Variants in DHTKD1 observed in about 807,000 individuals in gnomAD.
DHTKD1 encodes the protein dehydrogenase E1 and transketolase domain containing 1.
DHTKD1 carries 78 observed loss-of-function variants against 101.8 expected under a neutral mutation model. That is an observed-to-expected ratio of 0.77 (90% confidence interval 0.64 to 0.93). DHTKD1 has a LOEUF of 0.93. DHTKD1 is among the 40% of genes least tolerant of loss of function. The pLI, the probability that DHTKD1 is intolerant of heterozygous loss-of-function variation, is 0.00. For synonymous variants in DHTKD1, 462 were observed against 450.3 expected (o/e 1.03, Z -0.33); for missense variants, 1,223 against 1,161.7 (o/e 1.05, Z -0.77).
In DHTKD1 at chr10:12,069,064, C is replaced by T. The variant is rs781255923; in HGVS notation, c.31C>T (p.Arg11Trp). Reference protein sequence around the residue: MASATAAAARRGLGRALPLFW... With the variant: MASATAAAARWGLGRALPLFW... ...CTCTGCTACTGCGGCAGCAGCACGA[C>T]GGGGCCTCGGCCGGGCTCTCCCTCT... The change falls in exon 1 of 17, where the codon CGG (arginine) becomes TGG (tryptophan). Residue 11 changes from arginine to tryptophan, a missense_variant. Arg to Trp is a moderately radical substitution (Grantham distance 101, BLOSUM62 -3). Transcript: ENST00000263035. The T allele has an allele frequency of 1.2e-6, 2 of 1,613,102 alleles. No individual in the cohort carries two copies. The highest frequency in any genetic ancestry group is 1.7e-6 in the Non-Finnish European group (2 of 1,179,624).
rs368157130 is a variant in DHTKD1 at position 12,106,182 on chromosome 10, G to A, written c.1897-64G>A. ...CGCACCACCTCCCTTCGATAAGTTC[G>A]CAGGAGCCCAGTGCTCTGCCGTGGC... On this transcript the variant is annotated intron_variant, in intron 10 of 16. Coordinates refer to ENST00000263035, the MANE Select transcript of DHTKD1 (RefSeq NM_018706.7). The A allele has an allele frequency of 2.6e-5, 41 of 1,571,198 alleles. No homozygotes were observed. In the East Asian group the frequency reaches 5.6e-4, roughly 22 times the overall value.
At position 12,110,578 on chromosome 10, in the gene DHTKD1, T is replaced by C. The variant is rs559729810; in HGVS notation, c.2155-2322T>C. On this transcript the variant is annotated intron_variant, in intron 12 of 16. Transcript: ENST00000263035. The surrounding 1 kb of genome is among the most constrained non-coding windows in gnomAD (Gnocchi z 4.9). ...AAAATGTGATGTTTTGATACAGCTATACATTGTGAACTGATTGAATCAAGC... is the reference window on the plus strand; with the variant it reads ...AAAATGTGATGTTTTGATACAGCTACACATTGTGAACTGATTGAATCAAGC... Among the ~76,000 whole-genome samples the C allele has an allele frequency of 1.3e-5, 2 of 152,204 alleles. No individual in the cohort carries two copies. The highest frequency in any genetic ancestry group is 2.9e-5 in the Non-Finnish European group (2 of 68,036).
chr10:12,083,169 A>G (rs953234207), intron 2 of DHTKD1, among the ~76,000 whole-genome samples: 1 of 151,882 alleles, frequency 6.6e-6, no homozygotes, highest in Admixed American at 6.6e-5. Context: ...AAAAAAAAAA[A>G]AGAAACCATA....
At chr10:12,108,392 G>C (rs1035404422) in intron 12 of DHTKD1, among the ~76,000 whole-genome samples, 2 of 151,952 alleles carry the variant, frequency 1.3e-5, no homozygotes, top group Non-Finnish European at 2.9e-5. Flanking sequence ...CGATTCTCCT[G>C]GCTCACCCTC....
intron 1 of DHTKD1, 107 bp from the exon 2 acceptor site, chr10:12,081,364 TA>T: frequency 1.2e-6 from 1 of 820,094 alleles, no homozygotes; most frequent in Non-Finnish European, 2.0e-6. Flanking sequence ...AATAAATAAA[TA>T]AAAAGTAAGG....
chr10:12,119,954 T>C (rs1833497794), intron 15 of DHTKD1, among the ~76,000 whole-genome samples: 1 of 152,196 alleles, frequency 6.6e-6, no homozygotes. Context: ...ACAAAATCTA[T>C]TACATTTCAT....
chr10:12,094,551 G>A (rs575808636), intron 7 of DHTKD1, among the ~76,000 whole-genome samples: 6 of 151,860 alleles, frequency 4.0e-5, no homozygotes, highest in East Asian at 2.0e-4. Flanking sequence ...TGGCCAGGCT[G>A]ATGTCAAACT....
rs1833306430 is a variant in DHTKD1 at position 12,110,126 on chromosome 10, G to A, written c.2154+2111G>A. 6.6e-6 allele frequency among the ~76,000 whole-genome samples: 1 copy of A among 152,114 alleles called. No individual in the cohort carries two copies. Among genetic ancestry groups the A allele is most frequent in the Non-Finnish European group, 1.5e-5 (1 of 68,032 alleles). ...ATCCTGGCTAACACGGTGAAACCCT[G>A]TGTCTACTAAAAATACAAAAAATTA... On this transcript the variant is annotated intron_variant, in intron 12 of 16. Coordinates refer to ENST00000263035, the MANE Select transcript of DHTKD1 (RefSeq NM_018706.7). This position sits in a 1 kb window ranked among gnomAD's most constrained non-coding sequence, Gnocchi z 4.9.
Position 12,084,521 on chromosome 10 carries a change from C to G in DHTKD1, c.311-19C>G. 1 of 1,491,850 alleles carries G rather than the reference C, an allele frequency of 6.7e-7. No individual in the cohort carries two copies. Among genetic ancestry groups the G allele is most frequent in the Non-Finnish European group, 9.4e-7 (1 of 1,069,204 alleles). The allele number at this position is 1,491,850 out of a possible 1,614,324, so 92.4% of individuals were successfully genotyped here. ...ACATGATTATTTTTTAAGATGACCCCTTTGATTGTATTTCACAGGATTATT... is the reference window on the plus strand; with the variant it reads ...ACATGATTATTTTTTAAGATGACCCGTTTGATTGTATTTCACAGGATTATT... On this transcript the variant is annotated intron_variant, in intron 2 of 16. Transcript: ENST00000263035.
rs561510592 is a variant in DHTKD1, at chr10:12,118,617, C to T, written c.2403-132C>T. The stretch of plus-strand genomic sequence containing the variant: ...CAGGATGGTCTTGATTTCCTGACCT[C>T]GTGATCCGCCCGCCTTGGCCTCCCA... On this transcript the variant is annotated intron_variant, in intron 14 of 16. Coordinates refer to ENST00000263035, the MANE Select transcript of DHTKD1 (RefSeq NM_018706.7). The T allele has an allele frequency of 1.1e-4, 56 of 507,056 alleles. 1 individual carries two copies. The highest frequency in any genetic ancestry group is 4.8e-4 in the South Asian group (11 of 22,880). The allele number at this position is 507,056 out of a possible 1,614,324, so 31.4% of individuals were successfully genotyped here.
chr10:12,071,874 C>T (rs544613450), intron 1 of DHTKD1, among the ~76,000 whole-genome samples: 17 of 152,270 alleles, frequency 1.1e-4, no homozygotes, highest in African/African-American at 3.1e-4. Flanking sequence ...GTTCTATATA[C>T]GCAATTTATT....
At chr10:12,076,229 G>C (rs1035934223) in intron 1 of DHTKD1, among the ~76,000 whole-genome samples, 2 of 152,236 alleles carry the variant, frequency 1.3e-5, no homozygotes, top group African/African-American at 4.8e-5. Flanking sequence ...TGTAATCCCA[G>C]CACTTTGGGA....
In DHTKD1 at chr10:12,117,719, A is replaced by G. The variant is rs1346759442; in HGVS notation, c.2366A>G (p.Asn789Ser). 2 of 1,607,910 alleles carry G rather than the reference A, an allele frequency of 1.2e-6. No individual in the cohort carries two copies. Among genetic ancestry groups the G allele is most frequent in the Non-Finnish European group, 1.7e-6 (2 of 1,176,578 alleles). Reference protein sequence around the residue: ...LQEMAPGTTFNPVIGDSSVDP... With the variant: ...LQEMAPGTTFSPVIGDSSVDP... ...GAAATGGCACCAGGAACAACATTTAACCCGGTCATTGGTGATTCATCTGTG... is the reference window on the plus strand; with the variant it reads ...GAAATGGCACCAGGAACAACATTTAGCCCGGTCATTGGTGATTCATCTGTG... The change falls in exon 14 of 17, where the codon AAC becomes AGC. Residue 789 changes from asparagine to serine, a missense_variant. By Grantham distance (46) the Asn-to-Ser change is conservative. Coordinates refer to ENST00000263035, the MANE Select transcript of DHTKD1 (RefSeq NM_018706.7).
intron 3 of DHTKD1, among the ~76,000 whole-genome samples, chr10:12,085,985 C>T (rs1832890882): frequency 6.6e-6 from 1 of 151,530 alleles, no homozygotes; most frequent in African/African-American, 2.4e-5. Flanking sequence ...GGAGTCTTGC[C>T]CTGTCGCCCA....
rs1262899659 is a variant in DHTKD1, at chr10:12,103,357, T to C, written c.1896+2176T>C. 2.6e-5 allele frequency among the ~76,000 whole-genome samples: 4 copies of C among 152,126 alleles called. No homozygotes were observed. Among genetic ancestry groups the C allele is most frequent in the African/African-American group, 9.7e-5 (4 of 41,438 alleles). On this transcript the variant is annotated intron_variant, in intron 10 of 16. Coordinates refer to ENST00000263035, the MANE Select transcript of DHTKD1 (RefSeq NM_018706.7). The surrounding 1 kb of genome is among the most constrained non-coding windows in gnomAD (Gnocchi z 4.8). ...GATCTGCCTTCATTGTCTAATAGTA[T>C]TGAATTTTGTAACTGACCAGCATTC...
chr10:12,084,506 T>C, intron 2 of DHTKD1, 34 bp from the exon 3 acceptor site: 1 of 1,353,312 alleles, frequency 7.4e-7, no homozygotes, highest in South Asian at 1.2e-5. Context: ...ACATGATTAT[T>C]TTTTAAGATG....
rs35442324 is a variant in DHTKD1 at position 12,081,624 on chromosome 10, G to T, written c.307G>T (p.Ala103Ser). 1.3e-4 allele frequency: 204 copies of T among 1,613,998 alleles called. No homozygotes were observed. The highest frequency in any genetic ancestry group is 1.6e-4 in the Non-Finnish European group (183 of 1,180,018). The change falls in exon 2 of 17, where the codon GCA (alanine) becomes TCA (serine). Residue 103 changes from alanine to serine, a missense_variant. Transcript: ENST00000263035. The part of the protein sequence containing the change: ...VQTLQGPFHT[A>S]GLLNMGKEEA... Reference sequence around the variant, plus strand: ...GACACTGCAGGGACCCTTCCACACGGCAGGTATGGCTTCTGCACAGCAGGC... The same window carrying T: ...GACACTGCAGGGACCCTTCCACACGTCAGGTATGGCTTCTGCACAGCAGGC...
rs772236981 is a variant in DHTKD1 at position 12,088,982 on chromosome 10, A to G, written c.718-4A>G. 1 of 1,612,214 alleles carries G rather than the reference A, an allele frequency of 6.2e-7. No homozygotes were observed. The highest frequency in any genetic ancestry group is 8.5e-7 in the Non-Finnish European group (1 of 1,178,544). Reference sequence around the variant, plus strand: ...TTTTTTCCTTTTGAATGTATCCACAATAGCTGATGTTCCGTAAAATGCGAG... The same window carrying G: ...TTTTTTCCTTTTGAATGTATCCACAGTAGCTGATGTTCCGTAAAATGCGAG... On this transcript the variant is annotated splice_polypyrimidine_tract_variant and splice_region_variant and intron_variant, in intron 4 of 16. Transcript: ENST00000263035.
intron 1 of DHTKD1, among the ~76,000 whole-genome samples, chr10:12,072,958 A>T (rs1271475363): frequency 6.6e-6 from 1 of 151,458 alleles, no homozygotes; most frequent in African/African-American, 2.4e-5. Context: ...CTGGTCTCGA[A>T]CTCCCGACCT....
Sources: allele counts gnomAD v4.1 joint callset (sites outside exome capture counted in the v4.1 genomes callset), GRCh38; gene constraint gnomAD v4.1.1; non-coding constraint Gnocchi (gnomAD v3.1); transcripts MANE v1.5; gene names NCBI Gene and HGNC (gene_info 2026-07-23, HGNC 2026-07-21).